The following GOLGA2 variants were observed in gnomAD, a reference collection of about 807,000 sequenced individuals.
The protein encoded by GOLGA2 is golgin A2.
Under a neutral mutation model 148.8 loss-of-function variants are expected in GOLGA2, and 49 were observed. The observed-to-expected ratio is 0.33, with a 90% CI of 0.26 to 0.42. The LOEUF is 0.42. Among genes scored for constraint, GOLGA2 ranks in the 10% least tolerant of loss-of-function variants. The pLI, the probability that GOLGA2 is intolerant of heterozygous loss-of-function variation, is 1.00. For synonymous variants in GOLGA2, 501 were observed against 511.8 expected (o/e 0.98, Z 0.28); for missense variants, 1,178 against 1,304.6 (o/e 0.90, Z 1.49).
At position 128,258,989 on chromosome 9, in the gene GOLGA2, G is replaced by A. The variant is rs777826706; in HGVS notation, c.2173+18C>T. The A allele has an allele frequency of 6.6e-7, 1 of 1,505,958 alleles. No homozygotes were observed. The highest frequency in any genetic ancestry group is 1.1e-5 in the South Asian group (1 of 89,092). The allele number at this position is 1,505,958 out of a possible 1,614,324, so 93.3% of individuals were successfully genotyped here. Reference sequence around the variant, plus strand: ...CTTCCTGGGGCTCTCTCCTCTTCCTGTGAGCAGGTTCCCGTACCTTCCCCA... The same window carrying A: ...CTTCCTGGGGCTCTCTCCTCTTCCTATGAGCAGGTTCCCGTACCTTCCCCA... On this transcript the variant is annotated intron_variant, in intron 21 of 26. Transcript: ENST00000611957. This position sits in a 1 kb window ranked among gnomAD's most constrained non-coding sequence, Gnocchi z 6.6.
Position 128,260,442 on chromosome 9 carries a change from G to C in GOLGA2, c.1758+23C>G. 1 of 1,579,492 alleles carries C rather than the reference G, an allele frequency of 6.3e-7. No homozygotes were observed. Among genetic ancestry groups the C allele is most frequent in the Non-Finnish European group, 8.7e-7 (1 of 1,153,656 alleles). On this transcript the variant is annotated intron_variant, in intron 18 of 26. Coordinates refer to ENST00000611957, the MANE Select transcript of GOLGA2 (RefSeq NM_001366244.2). The surrounding 1 kb of genome is among the most constrained non-coding windows in gnomAD (Gnocchi z 4.8). ...TCTGGAGGGCTAGGGAGGAGGGCGG[G>C]CTCTCCAGGTGGGGCAGCGCACCAG...
rs538947175 is a variant in GOLGA2, at chr9:128,271,783, C to G, written c.288+1002G>C. Among the ~76,000 whole-genome samples, 2 of 152,322 alleles carry G rather than the reference C, an allele frequency of 1.3e-5. No individual in the cohort carries two copies. Among genetic ancestry groups the G allele is most frequent in the Admixed American group, 1.3e-4 (2 of 15,302 alleles). On this transcript the variant is annotated intron_variant, in intron 3 of 26. Coordinates refer to ENST00000611957, the MANE Select transcript of GOLGA2 (RefSeq NM_001366244.2). This position sits in a 1 kb window ranked among gnomAD's most constrained non-coding sequence, Gnocchi z 4.4. ...AGAGGAGTCTGCCTCCCTCGGTGTG[C>G]AGCCTACCTTGTTCATCTATTTTAT...
intron 2 of GOLGA2, among the ~76,000 whole-genome samples, chr9:128,273,478 A>G (rs192477416): frequency 1.3e-5 from 2 of 152,362 alleles, no homozygotes; most frequent in Admixed American, 1.3e-4. Flanking sequence ...CCTGATGGCA[A>G]GTAGCTGTTC....
intron 3 of GOLGA2, among the ~76,000 whole-genome samples, chr9:128,268,977 C>T (rs544766726): frequency 9.0e-4 from 137 of 152,302 alleles, no homozygotes; most frequent in Middle Eastern, 3.4e-3. Context: ...ATGTAGCTAT[C>T]TGCCTGTCTC....
At chr9:128,269,550 C>T (rs1483387057) in intron 3 of GOLGA2, among the ~76,000 whole-genome samples, 1 of 152,144 alleles carries the variant, frequency 6.6e-6, no homozygotes, top group Non-Finnish European at 1.5e-5. Flanking sequence ...CTCCCTTGCC[C>T]CCAACTGGAC....
rs1830225795 is a variant in GOLGA2, at chr9:128,260,804, T to C, written c.1421-2A>G. ...GGGGCTCTGGGGGCGGGGGTTCAGC[T>C]GAGAAAGGACGCAGACAATAAAAGC... On this transcript the variant is annotated splice_acceptor_variant, in intron 17 of 26. Coordinates refer to ENST00000611957, the MANE Select transcript of GOLGA2 (RefSeq NM_001366244.2). LOFTEE classifies it high-confidence loss of function. This position sits in a 1 kb window ranked among gnomAD's most constrained non-coding sequence, Gnocchi z 4.8. 1 of 1,590,556 alleles carries C rather than the reference T, an allele frequency of 6.3e-7. No homozygotes were observed. Among genetic ancestry groups the C allele is most frequent in the African/African-American group, 1.3e-5 (1 of 74,468 alleles).
chr9:128,258,349 T>C lies in GOLGA2; in HGVS notation c.2289+106A>G. On this transcript the variant is annotated intron_variant, in intron 22 of 26. Transcript: ENST00000611957. The surrounding 1 kb of genome is among the most constrained non-coding windows in gnomAD (Gnocchi z 6.6). Reference sequence around the variant, plus strand: ...TCACCACTGGCTCCCAGGAAAGGGGTGAGGGTCCGAAGAAATCAGAAGGCC... The same window carrying C: ...TCACCACTGGCTCCCAGGAAAGGGGCGAGGGTCCGAAGAAATCAGAAGGCC... The C allele has an allele frequency of 8.3e-7, 1 of 1,202,236 alleles. No homozygotes were observed. Among genetic ancestry groups the C allele is most frequent in the Non-Finnish European group, 1.2e-6 (1 of 822,248 alleles). 74.5% of individuals were successfully genotyped at this position (1,202,236 alleles called of 1,614,324 possible).
rs1216257596 is a variant in GOLGA2 at position 128,260,281 on chromosome 9, G to A, written c.1759-92C>T. On this transcript the variant is annotated intron_variant, in intron 18 of 26. Transcript: ENST00000611957. This position sits in a 1 kb window ranked among gnomAD's most constrained non-coding sequence, Gnocchi z 4.8. The stretch of plus-strand genomic sequence containing the variant: ...TGTCTGCCTCCCATGGCACCGGGAA[G>A]GGTGGAGGCAGGTTAGAAAAATCAT... 7 of 1,219,814 alleles carry A rather than the reference G, an allele frequency of 5.7e-6. No homozygotes were observed. In the African/African-American group the frequency reaches 1.0e-4, roughly 18 times the overall value. The allele number at this position is 1,219,814 out of a possible 1,614,324, so 75.6% of individuals were successfully genotyped here. A position where few individuals can be genotyped will look rare whatever the true frequency, so the allele number is the denominator to read the frequency against.
In GOLGA2 at chr9:128,259,208, C is replaced by A; in HGVS notation, c.2056G>T (p.Ala686Ser). Residue 686 changes from alanine (A) to serine (S), a missense_variant, in exon 20 of 27, where the codon GCG becomes TCG. Physicochemically the swap from Ala to Ser is moderately conservative, Grantham distance 99. Around this residue, in one of 5 missense-constraint regions of GOLGA2, gnomAD observed 529 missense variants for 521.8 expected, o/e 1.01. Transcript: ENST00000611957. ...TCTTGGCGGGCCATCTCGGCCACCGCTTTGCCCTGAGCTTCCTGCTGCTGC... is the reference window on the plus strand; with the variant it reads ...TCTTGGCGGGCCATCTCGGCCACCGATTTGCCCTGAGCTTCCTGCTGCTGC... ...QLQQQEAQGK[A>S]VAEMARQELQ... 6.3e-7 allele frequency: 1 copy of A among 1,589,952 alleles called. No individual in the cohort carries two copies. The highest frequency in any genetic ancestry group is 1.7e-5 in the Admixed American group (1 of 58,552).
chr9:128,263,863 C>G (rs930175155), intron 12 of GOLGA2, among the ~76,000 whole-genome samples: 2 of 151,172 alleles, frequency 1.3e-5, no homozygotes, highest in Admixed American at 6.6e-5. Flanking sequence ...TTTAAAAAAA[C>G]TTGGTAAGGG....
Position 128,255,953 on chromosome 9 carries a change from C to A in GOLGA2, c.*1114G>T, listed in dbSNP as rs555013615. ...TGCTATCAATAAATAAGTTTCCCAG[C>A]CCCAAATAATTATTAGAACCTCCTC... On this transcript the variant is annotated 3_prime_UTR_variant, in exon 27 of 27. Coordinates refer to ENST00000611957, the MANE Select transcript of GOLGA2 (RefSeq NM_001366244.2). 1.3e-5 allele frequency: 2 copies of A among 152,800 alleles called. No homozygotes were observed. Among genetic ancestry groups the A allele is most frequent in the South Asian group, 2.1e-4 (1 of 4,826 alleles). 9.5% of individuals were successfully genotyped at this position (152,800 alleles called of 1,614,324 possible).
Position 128,258,072 on chromosome 9 carries a change from G to C in GOLGA2, c.2416C>G (p.Pro806Ala), listed in dbSNP as rs1554788966. 1.2e-6 allele frequency: 2 copies of C among 1,611,094 alleles called. No homozygotes were observed. Among genetic ancestry groups the C allele is most frequent in the Non-Finnish European group, 1.7e-6 (2 of 1,179,766 alleles). Reference sequence around the variant, plus strand: ...CCTGGGGCTGGGGCTGCTGCCTCAGGCTCCTTCTGGGCCGAGGCCAGCAGG... The same window carrying C: ...CCTGGGGCTGGGGCTGCTGCCTCAGCCTCCTTCTGGGCCGAGGCCAGCAGG... ...AHLLASAQKE[P>A]EAAAPAPGTG... The change falls in exon 23 of 27, where the codon CCT (proline) becomes GCT (alanine). Residue 806 changes from proline to alanine, a missense_variant. Coordinates refer to ENST00000611957, the MANE Select transcript of GOLGA2 (RefSeq NM_001366244.2). This position sits in a 1 kb window ranked among gnomAD's most constrained non-coding sequence, Gnocchi z 6.6.
intron 3 of GOLGA2, among the ~76,000 whole-genome samples, chr9:128,269,172 C>CA (rs1830779881): frequency 6.6e-6 from 1 of 152,110 alleles, no homozygotes; most frequent in Admixed American, 6.5e-5. Flanking sequence ...AGGCTGGTCT[C>CA]AAAGTCCTGG....
At chr9:128,270,837 G>C (rs1051513240) in intron 3 of GOLGA2, among the ~76,000 whole-genome samples, 1 of 152,160 alleles carries the variant, frequency 6.6e-6, no homozygotes, top group Non-Finnish European at 1.5e-5. Flanking sequence ...CTTGAGGCCA[G>C]GAGTTCGAAA....
intron 19 of GOLGA2, among the ~76,000 whole-genome samples, chr9:128,259,600 A>G (rs1830128097): frequency 1.3e-5 from 2 of 152,332 alleles, no homozygotes; most frequent in East Asian, 3.9e-4. Context: ...ACCGTAGGCC[A>G]CAGACTGGTG....
rs1311789728 is a variant in GOLGA2, at chr9:128,258,476, G to A, written c.2268C>T (p.Asp756=). 16 of 1,612,874 alleles carry A rather than the reference G, an allele frequency of 9.9e-6. No individual in the cohort carries two copies. Among genetic ancestry groups the A allele is most frequent in the Admixed American group, 1.7e-5 (1 of 59,820 alleles). Residue 756 remains aspartate, a synonymous_variant, in exon 22 of 27, where the codon GAC becomes GAT. Transcript: ENST00000611957. This position sits in a 1 kb window ranked among gnomAD's most constrained non-coding sequence, Gnocchi z 6.6. ...VPQPMPSIPE[D]LESREAMVAF... is the part of the protein sequence containing the mutation. Reference sequence around the variant, plus strand: ...TCACCATGGCTTCCCGGCTCTCCAGGTCCTCCGGGATGCTTGGCATGGGCT... The same window carrying A: ...TCACCATGGCTTCCCGGCTCTCCAGATCCTCCGGGATGCTTGGCATGGGCT...
intron 10 of GOLGA2, 26 bp from the exon 11 acceptor site, chr9:128,265,907 C>A: frequency 6.2e-7 from 1 of 1,606,932 alleles, no homozygotes. Context: ...CAAGCAAGTG[C>A]TGAAAAAGAA....
At chr9:128,263,653 T>C (rs1266023674) in intron 12 of GOLGA2, among the ~76,000 whole-genome samples, 2 of 151,714 alleles carry the variant, frequency 1.3e-5, no homozygotes, top group African/African-American at 4.8e-5. Flanking sequence ...CTCCTGACCT[T>C]GTGATCCGCC....
chr9:128,260,814 C>T lies in GOLGA2; in HGVS notation c.1421-12G>A, dbSNP rs369651276. On this transcript the variant is annotated splice_polypyrimidine_tract_variant and intron_variant, in intron 17 of 26. Coordinates refer to ENST00000611957, the MANE Select transcript of GOLGA2 (RefSeq NM_001366244.2). This position sits in a 1 kb window ranked among gnomAD's most constrained non-coding sequence, Gnocchi z 4.8. ...GGGCGGGGGTTCAGCTGAGAAAGGA[C>T]GCAGACAATAAAAGCCTCTGGATTC... is the stretch of plus-strand genomic sequence containing the variant. 1,038 of 1,564,028 alleles carry T rather than the reference C, an allele frequency of 6.6e-4. 19 individuals carry two copies. The South Asian group carries it at 0.01, about 16-fold the overall frequency.
Sources: gnomAD v4.1 joint callset for allele counts (sites outside exome capture counted in the v4.1 genomes callset) on GRCh38, gnomAD v4.1.1 for gene constraint, gnomAD v4.1.1 regional missense constraint, Gnocchi (gnomAD v3.1) non-coding constraint, MANE v1.5 for transcripts, NCBI Gene and HGNC (gene_info 2026-07-23, HGNC 2026-07-21) for gene names.